The following CFDP1 variants were observed in gnomAD, a reference collection of about 807,000 sequenced individuals.
CFDP1 encodes heterochromatin-stabilizing protein CFDP1.
CFDP1 carries 31 observed loss-of-function variants against 40.1 expected under a neutral mutation model. That is an observed-to-expected ratio of 0.77 (90% CI 0.58 to 1.04). The LOEUF is 1.04. CFDP1 is among the 50% of genes least tolerant of loss of function. CFDP1 has a pLI of 0.00. For missense variants in CFDP1, 423 were observed against 343.4 expected (o/e 1.23, Z -1.83); for synonymous variants, 167 against 120.0 (o/e 1.39, Z -2.56).
intron 6 of CFDP1, among the ~76,000 whole-genome samples, chr16:75,295,546 C>T (rs1471912489): frequency 6.6e-6 from 1 of 152,210 alleles, no homozygotes; most frequent in Non-Finnish European, 1.5e-5. Flanking sequence ...TTCCAACAGG[C>T]TCCCAAGGAC....
At chr16:75,305,422 C>A in intron 5 of CFDP1, 1 of 480,116 alleles carries the variant, frequency 2.1e-6, no homozygotes, top group South Asian at 2.6e-5. Flanking sequence ...GGAAATCCTG[C>A]CTTCTTCAGA....
intron 5 of CFDP1, among the ~76,000 whole-genome samples, chr16:75,382,292 T>C (rs971612125): frequency 1.4e-4 from 21 of 152,204 alleles, no homozygotes; most frequent in Non-Finnish European, 2.9e-5. Context: ...ATAAAAGTCT[T>C]TGTCACAGAC....
intron 4 of CFDP1, among the ~76,000 whole-genome samples, chr16:75,398,996 G>C (rs1216923475): frequency 2.0e-5 from 3 of 148,010 alleles, no homozygotes; most frequent in African/African-American, 7.5e-5. Context: ...GGTGGAGCTT[G>C]CAGTGAGCCG....
intron 5 of CFDP1, among the ~76,000 whole-genome samples, chr16:75,320,387 G>A (rs537765407): frequency 1.3e-5 from 2 of 152,184 alleles, no homozygotes; most frequent in South Asian, 2.1e-4. Flanking sequence ...AACGAAGAAG[G>A]TCTGCTGAAA....
At position 75,395,142 on chromosome 16, in the gene CFDP1, T is replaced by C. The variant is rs1427815052; in HGVS notation, c.598A>G (p.Lys200Glu). The C allele has an allele frequency of 3.7e-6, 6 of 1,613,878 alleles. No homozygotes were observed. The highest frequency in any genetic ancestry group is 1.1e-5 in the South Asian group (1 of 91,084). Residue 200 changes from lysine (K) to glutamate (E), a missense_variant, in exon 5 of 7, where the codon AAA becomes GAA. Physicochemically the swap from Lys to Glu is moderately conservative, Grantham distance 56. Coordinates refer to ENST00000283882, the MANE Select transcript of CFDP1 (RefSeq NM_006324.3). ...KSFFKQNEKE[K>E]PQANVPSALP... ...GCTGAAGGAACATTAGCCTGTGGTT[T>C]TTCTTTCTCATTCTGCTTGAAGAAG...
At chr16:75,384,835 G>A (rs1410899271) in intron 5 of CFDP1, among the ~76,000 whole-genome samples, 1 of 99,842 alleles carries the variant, frequency 1.0e-5, no homozygotes, top group Non-Finnish European at 2.1e-5. Flanking sequence ...AATACAAGTT[G>A]CAAGAAGAAA....
chr16:75,366,075 T>C (rs2078711753), intron 5 of CFDP1, among the ~76,000 whole-genome samples: 1 of 152,200 alleles, frequency 6.6e-6, no homozygotes, highest in African/African-American at 2.4e-5. Flanking sequence ...TAAAGACCTG[T>C]ACACAAAATG....
At chr16:75,342,168 T>C (rs1170699028) in intron 5 of CFDP1, among the ~76,000 whole-genome samples, 5 of 152,222 alleles carry the variant, frequency 3.3e-5, no homozygotes, top group Admixed American at 6.5e-5. Flanking sequence ...GCTATGCCAA[T>C]GATTTTATAA....
At chr16:75,299,277 T>C (rs978207834) in intron 6 of CFDP1, among the ~76,000 whole-genome samples, 2 of 152,140 alleles carry the variant, frequency 1.3e-5, no homozygotes, top group Non-Finnish European at 2.9e-5. Flanking sequence ...ATGCTCTTCT[T>C]TTCTGGGTGA....
At chr16:75,332,185 C>G (rs2078450659) in intron 5 of CFDP1, among the ~76,000 whole-genome samples, 1 of 152,148 alleles carries the variant, frequency 6.6e-6, no homozygotes, top group African/African-American at 2.4e-5. Context: ...TAAAATTAGG[C>G]CAGGTGCGGT....
In CFDP1 at chr16:75,412,683, C is replaced by A; in HGVS notation, c.254G>T (p.Ser85Ile). The part of the protein sequence containing the change: ...EEDANSESEG[S>I]SSEEEDDAAE... ...AGCGTCATCTTCCTCCTCACTACTG[C>A]TTCCCTCAGATTCTGAATTGGCATC... Residue 85 changes from serine to isoleucine, a missense_variant, in exon 3 of 7, where the codon AGC becomes ATC. Transcript: ENST00000283882. The A allele has an allele frequency of 6.2e-7, 1 of 1,614,174 alleles. No homozygotes were observed. The highest frequency in any genetic ancestry group is 8.5e-7 in the Non-Finnish European group (1 of 1,180,030).
chr16:75,321,465 C>T (rs968500005), intron 5 of CFDP1, among the ~76,000 whole-genome samples: 1 of 152,206 alleles, frequency 6.6e-6, no homozygotes, highest in Admixed American at 6.5e-5. Flanking sequence ...TTGGCAACTA[C>T]TAATCTACTT....
At chr16:75,306,169 T>C (rs1331212300) in intron 5 of CFDP1, among the ~76,000 whole-genome samples, 4 of 152,334 alleles carry the variant, frequency 2.6e-5, no homozygotes, top group Non-Finnish European at 5.9e-5. Flanking sequence ...TATGAGCTAA[T>C]GTCACATGGT....
chr16:75,334,546 GAA>G (rs894436449), intron 5 of CFDP1, among the ~76,000 whole-genome samples: 2 of 151,590 alleles, frequency 1.3e-5, no homozygotes, highest in African/African-American at 4.9e-5. Context: ...AAGGAGGGAG[GAA>G]GAGAGAAGGG....
chr16:75,314,995 G>A (rs913620734), intron 5 of CFDP1, among the ~76,000 whole-genome samples: 7 of 152,014 alleles, frequency 4.6e-5, no homozygotes, highest in African/African-American at 1.2e-4. Flanking sequence ...CAAGTGATCC[G>A]CCTGCCTCAG....
rs2079174358 is a variant in CFDP1, at chr16:75,412,763, C to T, written c.183-9G>A. On this transcript the variant is annotated splice_polypyrimidine_tract_variant and intron_variant, in intron 2 of 6. Coordinates refer to ENST00000283882, the MANE Select transcript of CFDP1 (RefSeq NM_006324.3). ...CACCTTGTCTTCTCTTCCTAATCAC[C>T]AGCAGTCACAGGAAAAAGGAAAGAC... The T allele has an allele frequency of 6.2e-7, 1 of 1,606,090 alleles. No homozygotes were observed. The highest frequency in any genetic ancestry group is 8.5e-7 in the Non-Finnish European group (1 of 1,174,386).
intron 4 of CFDP1, among the ~76,000 whole-genome samples, chr16:75,403,421 G>A (rs890380468): frequency 6.6e-6 from 1 of 152,130 alleles, no homozygotes; most frequent in Non-Finnish European, 1.5e-5. Flanking sequence ...GTTTCTCCAT[G>A]TTGCCCAGGC....
intron 1 of CFDP1, among the ~76,000 whole-genome samples, chr16:75,423,941 T>G (rs2079306993): frequency 6.6e-6 from 1 of 152,182 alleles, no homozygotes; most frequent in South Asian, 2.1e-4. Context: ...GCTGACTATA[T>G]TAGCAAACCA....
At chr16:75,409,858 T>G (rs1045760396) in intron 4 of CFDP1, among the ~76,000 whole-genome samples, 2 of 151,900 alleles carry the variant, frequency 1.3e-5, no homozygotes, top group African/African-American at 4.8e-5. Context: ...TCTATAAGTG[T>G]GACATTTTTC....
Sources: gnomAD v4.1 joint callset for allele counts (sites outside exome capture counted in the v4.1 genomes callset) on GRCh38, gnomAD v4.1.1 for gene constraint, MANE v1.5 for transcripts, NCBI Gene and HGNC (gene_info 2026-07-23, HGNC 2026-07-21) for gene names.